MPDU1: variants seen among roughly 807,000 people sequenced by gnomAD.
MPDU1 encodes mannose-P-dolichol utilization defect 1 protein.
Under a neutral mutation model 27.6 loss-of-function variants are expected in MPDU1, and 18 were observed. The ratio of observed to expected loss-of-function variants is 0.65; its 90% CI spans 0.45 to 0.97. The LOEUF is 0.97. Ranked by LOEUF, MPDU1 falls within the 50% of genes least tolerant of loss-of-function variation. The pLI, the probability that MPDU1 is intolerant of heterozygous loss-of-function variation, is 0.00. For missense variants in MPDU1, 279 were observed against 297.4 expected, an observed-to-expected ratio of 0.94 and a Z score of 0.46; for synonymous variants, 142 against 131.1, an observed-to-expected ratio of 1.08 and a Z score of -0.57.
At chr17:7,584,106 G>A (rs2150933667) in intron 1 of MPDU1, 141 bp downstream of exon 1, 2 of 850,320 alleles carry the variant, frequency 2.4e-6, no homozygotes, top group South Asian at 1.3e-5. Flanking sequence ...AAGGGCGGAA[G>A]TGTCTCGGGC....
upstream of MPDU1, chr17:7,583,827 C>T (rs370389790): frequency 6.4e-5 from 103 of 1,601,650 alleles, no homozygotes; most frequent in Middle Eastern, 9.9e-4. Flanking sequence ...AAGTCAATGG[C>T]GGTCTGGAGA....
chr17:7,587,067 G>GGGGTC, intron 5 of MPDU1, 50 bp downstream of exon 5: 2 of 1,041,360 alleles, frequency 1.9e-6, no homozygotes, highest in Non-Finnish European at 2.9e-6. Context: ...GGGTGGGGGG[G>GGGGTC]AAGAGTAGAA....
Position 7,583,976 on chromosome 17 carries a change from T to C in MPDU1, c.103+11T>C. On this transcript the variant is annotated intron_variant, in intron 1 of 6. Coordinates refer to ENST00000250124, the MANE Select transcript of MPDU1 (RefSeq NM_004870.4). Reference sequence around the variant, plus strand: ...GGGACTTGCTTCACGGTGAGTTTTATTCAGCATCCGATCCAAGTCCTACTC... The same window carrying C: ...GGGACTTGCTTCACGGTGAGTTTTACTCAGCATCCGATCCAAGTCCTACTC... 1.9e-6 allele frequency: 3 copies of C among 1,612,820 alleles called. No homozygotes were observed. The highest frequency in any genetic ancestry group is 2.5e-6 in the Non-Finnish European group (3 of 1,179,332).
intron 4 of MPDU1, 56 bp downstream of exon 4, chr17:7,586,833 A>G: frequency 6.2e-7 from 1 of 1,610,484 alleles, no homozygotes; most frequent in Non-Finnish European, 8.5e-7. Context: ...CCTGCTGGGA[A>G]CTCAGGTCTG....
In MPDU1 at chr17:7,583,974, T is replaced by C. The variant is rs2071538254; in HGVS notation, c.103+9T>C. ...GTGGGACTTGCTTCACGGTGAGTTT[T>C]ATTCAGCATCCGATCCAAGTCCTAC... is the stretch of plus-strand genomic sequence containing the variant. On this transcript the variant is annotated intron_variant, in intron 1 of 6. Transcript: ENST00000250124. The C allele has an allele frequency of 6.2e-7, 1 of 1,613,030 alleles. No homozygotes were observed. The highest frequency in any genetic ancestry group is 1.7e-5 in the Admixed American group (1 of 60,004).
chr17:7,586,812 T>C (rs749608839), intron 4 of MPDU1, 35 bp downstream of exon 4: 4 of 1,612,128 alleles, frequency 2.5e-6, no homozygotes, highest in Non-Finnish European at 3.4e-6. Flanking sequence ...GGCTGTGTGG[T>C]TCCTGGGAAC....
chr17:7,583,668 G>C, upstream of MPDU1: 1 of 734,094 alleles, frequency 1.4e-6, no homozygotes. Context: ...TTCCAACAGC[G>C]CGTCCAAAAC....
intron 6 of MPDU1, 51 bp from the exon 7 acceptor site, chr17:7,587,375 C>T (rs1255173460): frequency 6.2e-7 from 1 of 1,613,978 alleles, no homozygotes; most frequent in Non-Finnish European, 8.5e-7. Context: ...ATAAGGGAAC[C>T]TTTCTTGAGC....
In MPDU1 at chr17:7,583,875, G is replaced by A. The variant is rs2071535396; in HGVS notation, c.13G>A (p.Ala5Thr). The part of the protein sequence containing the change: MAAE[A>T]DGPLKRLLVP... ...CTAGCTTTGCAATATGGCGGCCGAG[G>A]CGGACGGACCGCTTAAACGGCTGCT... The change falls in exon 1 of 7, where the codon GCG becomes ACG. Residue 5 changes from alanine (A) to threonine (T), a missense_variant. Ala to Thr is a moderately conservative substitution (Grantham distance 58, BLOSUM62 0). Coordinates refer to ENST00000250124, the MANE Select transcript of MPDU1 (RefSeq NM_004870.4). 3 of 1,614,112 alleles carry A rather than the reference G, an allele frequency of 1.9e-6. No homozygotes were observed. Among genetic ancestry groups the A allele is most frequent in the Non-Finnish European group, 1.7e-6 (2 of 1,180,050 alleles).
In MPDU1 at chr17:7,586,791, AC is replaced by A. The variant is rs2071589943; in HGVS notation, c.388+17del. On this transcript the variant is annotated intron_variant, in intron 4 of 6. Transcript: ENST00000250124. ...AGACTGTGAAAGGTGCTGGGGACTTACCCAAGAGCAGGCTGTGTGGTTCCTG... is the reference window on the plus strand; with the variant it reads ...AGACTGTGAAAGGTGCTGGGGACTTACCAAGAGCAGGCTGTGTGGTTCCTG... 2 of 1,613,656 alleles carry A rather than the reference AC, an allele frequency of 1.2e-6. No individual in the cohort carries two copies. Among genetic ancestry groups the A allele is most frequent in the African/African-American group, 1.3e-5 (1 of 74,988 alleles).
chr17:7,585,706 C>G, intron 1 of MPDU1, 26 bp from the exon 2 acceptor site: 1 of 1,612,878 alleles, frequency 6.2e-7, no homozygotes, highest in Non-Finnish European at 8.5e-7. Flanking sequence ...CATCTCCTGT[C>G]TGCTTACCCT....
chr17:7,584,721 G>A (rs183618708), intron 1 of MPDU1, among the ~76,000 whole-genome samples: 101 of 152,364 alleles, frequency 6.6e-4, no homozygotes, highest in African/African-American at 2.3e-3. Flanking sequence ...GGCGGGCACG[G>A]TGGCTCACGC....
rs750465889 is a variant in MPDU1 at position 7,587,676 on chromosome 17, C to G, written c.*125C>G. On this transcript the variant is annotated 3_prime_UTR_variant, in exon 7 of 7. Coordinates refer to ENST00000250124, the MANE Select transcript of MPDU1 (RefSeq NM_004870.4). ...CCTCTGCACTTGCAGACTTTCTGAG[C>G]CAGGGTTTTCTTTTAGTGGAAACAA... The G allele has an allele frequency of 3.5e-5, 48 of 1,358,990 alleles. No individual in the cohort carries two copies. The highest frequency in any genetic ancestry group is 4.9e-5 in the Non-Finnish European group (47 of 963,078). The allele number at this position is 1,358,990 out of a possible 1,614,324, so 84.2% of individuals were successfully genotyped here.
chr17:7,585,118 T>C (rs1466235709), intron 1 of MPDU1, among the ~76,000 whole-genome samples: 6 of 152,168 alleles, frequency 3.9e-5, no homozygotes, highest in Non-Finnish European at 8.8e-5. Flanking sequence ...TGGGCATTTC[T>C]CAGCTTTATA....
chr17:7,584,014 G>T, intron 1 of MPDU1, 49 bp downstream of exon 1: 1 of 1,567,248 alleles, frequency 6.4e-7, no homozygotes. Context: ...GTGACCGTGG[G>T]CCCTTAGTCC....
intron 1 of MPDU1, among the ~76,000 whole-genome samples, 195 bp from the exon 2 acceptor site, chr17:7,585,537 C>CA (rs35027440): frequency 3.8e-3 from 138 of 36,372 alleles, no homozygotes; most frequent in Admixed American, 7.0e-3. Context: ...ACTCTGTCTC[C>CA]AAAAAAAAAA....
chr17:7,587,156 C>T lies in MPDU1; in HGVS notation c.508-5C>T, dbSNP rs376671999. 48 of 1,613,812 alleles carry T rather than the reference C, an allele frequency of 3.0e-5. No homozygotes were observed. Among genetic ancestry groups the T allele is most frequent in the Non-Finnish European group, 3.9e-5 (46 of 1,179,926 alleles). ...CAGAGCCAAAGGTCTCAACTCCTCC[C>T]CTAGCTTCTCCAGGCAGCCACCAAC... On this transcript the variant is annotated splice_polypyrimidine_tract_variant and splice_region_variant and intron_variant, in intron 5 of 6. Coordinates refer to ENST00000250124, the MANE Select transcript of MPDU1 (RefSeq NM_004870.4).
At chr17:7,585,924 A>G (rs751179870) in intron 2 of MPDU1, 22 bp from the exon 3 acceptor site, 7 of 1,613,992 alleles carry the variant, frequency 4.3e-6, no homozygotes, top group Non-Finnish European at 5.1e-6. Context: ...CCTCAGTCCT[A>G]CTTTTCTCAT....
chr17:7,587,007 T>C lies in MPDU1; in HGVS notation c.497T>C (p.Val166Ala), dbSNP rs1253584561. Residue 166 changes from valine (V) to alanine (A), a missense_variant, in exon 5 of 7, where the codon GTG (valine) becomes GCG (alanine). Val to Ala is a moderately conservative substitution (Grantham distance 64). Coordinates refer to ENST00000250124, the MANE Select transcript of MPDU1 (RefSeq NM_004870.4). ...CAGGCCTCCAATGTGCCTGCTGTGG[T>C]GGTGGGGAGGGTGGGTACCAGGAGC... is the stretch of plus-strand genomic sequence containing the variant. The part of the protein sequence containing the change: ...LLQASNVPAV[V>A]VGRLLQAATN... 7.5e-7 allele frequency: 1 copy of C among 1,341,304 alleles called. No homozygotes were observed. Among genetic ancestry groups the C allele is most frequent in the Non-Finnish European group, 9.7e-7 (1 of 1,034,876 alleles). 83.1% of individuals were successfully genotyped at this position (1,341,304 alleles called of 1,614,324 possible).
Sources: allele counts gnomAD v4.1 joint callset (sites outside exome capture counted in the v4.1 genomes callset), GRCh38; gene constraint gnomAD v4.1.1; transcripts MANE v1.5; gene names NCBI Gene and HGNC (gene_info 2026-07-23, HGNC 2026-07-21).